Variants in PPP1R12C observed in about 807,000 individuals in gnomAD.
PPP1R12C encodes the protein leukocyte receptor cluster (LRC) encoded novel gene 3.
A neutral mutation model predicts 95.6 loss-of-function variants in PPP1R12C; 48 were observed. The observed-to-expected ratio is 0.50, with a 90% CI of 0.40 to 0.64. The LOEUF (loss-of-function observed/expected upper bound fraction) is 0.64. Among genes scored for constraint, PPP1R12C ranks in the 30% least tolerant of loss-of-function variants. PPP1R12C has a pLI of 0.00. For synonymous variants in PPP1R12C, 480 were observed against 460.8 expected, an observed-to-expected ratio of 1.04 and a Z score of -0.53; for missense variants, 1,057 against 1,083.3, an observed-to-expected ratio of 0.98 and a Z score of 0.34.
intron 11 of PPP1R12C, 77 bp from the exon 12 acceptor site, chr19:55,094,875 A>G: frequency 6.8e-7 from 1 of 1,479,104 alleles, no homozygotes; most frequent in Non-Finnish European, 9.2e-7. Context: ...CCGTGAGTGA[A>G]AGAAACAAAT....
intron 1 of PPP1R12C, 170 bp from the exon 2 acceptor site, chr19:55,112,965 C>T: frequency 1.1e-6 from 1 of 949,960 alleles, no homozygotes. Flanking sequence ...GCCTGGTTGC[C>T]CAGTGGTCAG....
chr19:55,105,106 C>A (rs2085023805), intron 3 of PPP1R12C, among the ~76,000 whole-genome samples: 1 of 151,424 alleles, frequency 6.6e-6, no homozygotes, highest in East Asian at 1.9e-4. Context: ...CACACTGTCA[C>A]CCAGGCTGGA....
At position 55,091,429 on chromosome 19, in the gene PPP1R12C, A is replaced by G. The variant is rs1307676344; in HGVS notation, c.*43T>C. The G allele has an allele frequency of 6.4e-7, 1 of 1,564,972 alleles. No homozygotes were observed. The highest frequency in any genetic ancestry group is 8.8e-7 in the Non-Finnish European group (1 of 1,138,894). On this transcript the variant is annotated 3_prime_UTR_variant, in exon 22 of 22. Coordinates refer to ENST00000263433, the MANE Select transcript of PPP1R12C (RefSeq NM_017607.4). Reference sequence around the variant, plus strand: ...ACACGGGGGAAGGGGTGCGTGTGGCAGAAGCAGCTGTATAAATACGGGTGC... The same window carrying G: ...ACACGGGGGAAGGGGTGCGTGTGGCGGAAGCAGCTGTATAAATACGGGTGC...
chr19:55,094,850 G>T, intron 11 of PPP1R12C, 52 bp from the exon 12 acceptor site: 1 of 1,541,214 alleles, frequency 6.5e-7, no homozygotes, highest in East Asian at 2.3e-5. Flanking sequence ...TTGTGTGCCG[G>T]CACTGGAGAT....
chr19:55,113,812 A>G, intron 1 of PPP1R12C: 1 of 227,806 alleles, frequency 4.4e-6, no homozygotes, highest in South Asian at 1.6e-4. Context: ...CCCAGTTGTC[A>G]TGGCGATAGG....
At chr19:55,098,717 C>T in intron 6 of PPP1R12C, 67 bp downstream of exon 6, 1 of 1,592,302 alleles carries the variant, frequency 6.3e-7, no homozygotes, top group Non-Finnish European at 8.6e-7. Flanking sequence ...TCCCCCTCTG[C>T]ACCCTCCTCT....
intron 6 of PPP1R12C, chr19:55,096,848 CCG>C (rs367764706): frequency 8.3e-5 from 18 of 216,450 alleles, no homozygotes; most frequent in South Asian, 1.8e-4. Flanking sequence ...CGCCCCTTCC[CCG>C]CGCAGTTCAC....
chr19:55,117,506 G>T lies in PPP1R12C; in HGVS notation c.38C>A (p.Ala13Glu). 9.8e-7 allele frequency: 1 copy of T among 1,023,336 alleles called. No individual in the cohort carries two copies. Among genetic ancestry groups the T allele is most frequent in the Non-Finnish European group, 1.2e-6 (1 of 855,606 alleles). The allele number at this position is 1,023,336 out of a possible 1,614,324, so 63.4% of individuals were successfully genotyped here. A position where few individuals can be genotyped will look rare whatever the true frequency, so the allele number is the denominator to read the frequency against. The change falls in exon 1 of 22, where the codon GCG becomes GAG. Residue 13 changes from alanine to glutamate, a missense_variant. Physicochemically the swap from Ala to Glu is moderately radical, Grantham distance 107. Coordinates refer to ENST00000263433, the MANE Select transcript of PPP1R12C (RefSeq NM_017607.4). Reference sequence around the variant, plus strand: ...CCGCTCCCGGGCAGCCGCCGCCGCCGCCCCCGGGCCAGCCGCCGGGCCATC... The same window carrying T: ...CCGCTCCCGGGCAGCCGCCGCCGCCTCCCCCGGGCCAGCCGCCGGGCCATC... ...GEDGPAAGPG[A>E]AAAAARERRR... is the part of the protein sequence containing the mutation.
chr19:55,113,746 T>C (rs1041067897), intron 1 of PPP1R12C: 4 of 462,786 alleles, frequency 8.6e-6, no homozygotes, highest in Non-Finnish European at 1.3e-5. Context: ...AAACTCGGGC[T>C]GTGAAGGGGC....
chr19:55,102,229 C>G (rs2084987130), intron 4 of PPP1R12C, among the ~76,000 whole-genome samples: 1 of 152,146 alleles, frequency 6.6e-6, no homozygotes, highest in South Asian at 2.1e-4. Flanking sequence ...ATATATGCAC[C>G]TTGGTTGGGT....
At chr19:55,117,135 G>C (rs2147219877) in intron 1 of PPP1R12C, 88 bp downstream of exon 1, 1 of 1,096,274 alleles carries the variant, frequency 9.1e-7, no homozygotes, top group East Asian at 4.0e-5. Flanking sequence ...GGGGCGGATC[G>C]AGACTGGCAA....
chr19:55,092,124 C>T, intron 19 of PPP1R12C, 98 bp downstream of exon 19: 1 of 1,218,324 alleles, frequency 8.2e-7, no homozygotes, highest in Non-Finnish European at 1.1e-6. Context: ...GAAGCCCAGC[C>T]CCGCCGGCAC....
chr19:55,110,955 G>C (rs555796762), intron 3 of PPP1R12C, among the ~76,000 whole-genome samples: 1 of 151,944 alleles, frequency 6.6e-6, no homozygotes, highest in Non-Finnish European at 1.5e-5. Context: ...AAAACAGGAG[G>C]AGAAAGGATA....
chr19:55,097,944 C>T (rs2084940498), intron 6 of PPP1R12C, among the ~76,000 whole-genome samples: 1 of 152,182 alleles, frequency 6.6e-6, no homozygotes, highest in Non-Finnish European at 1.5e-5. Context: ...CTGCCTTACG[C>T]TCCCCTCCCT....
chr19:55,092,992 G>A lies in PPP1R12C; in HGVS notation c.1825+24C>T, dbSNP rs372017217. The A allele has an allele frequency of 1.9e-6, 3 of 1,564,176 alleles. No homozygotes were observed. In the African/African-American group the frequency reaches 4.1e-5, roughly 21 times the overall value. On this transcript the variant is annotated intron_variant, in intron 15 of 21. Coordinates refer to ENST00000263433, the MANE Select transcript of PPP1R12C (RefSeq NM_017607.4). The stretch of plus-strand genomic sequence containing the variant: ...AGAAACTGGATGATTCCCTGGGAAT[G>A]ACCTCCCCGAGAGCAGACCTCACCT...
In PPP1R12C at chr19:55,091,257, C is replaced by T. The variant is rs2084835512; in HGVS notation, c.*215G>A. ...TGGCCCTGGTCCCCTCTGGCAACGTCCCCCTGCTTGGCTCGGCCTCCCACC... is the reference window on the plus strand; with the variant it reads ...TGGCCCTGGTCCCCTCTGGCAACGTTCCCCTGCTTGGCTCGGCCTCCCACC... On this transcript the variant is annotated 3_prime_UTR_variant, in exon 22 of 22. Coordinates refer to ENST00000263433, the MANE Select transcript of PPP1R12C (RefSeq NM_017607.4). 2 of 588,690 alleles carry T rather than the reference C, an allele frequency of 3.4e-6. No homozygotes were observed. Among genetic ancestry groups the T allele is most frequent in the South Asian group, 2.0e-5 (1 of 49,692 alleles). 36.5% of individuals were successfully genotyped at this position (588,690 alleles called of 1,614,324 possible).
chr19:55,116,387 T>C (rs1401053757), intron 1 of PPP1R12C, among the ~76,000 whole-genome samples: 1 of 151,604 alleles, frequency 6.6e-6, no homozygotes, highest in Non-Finnish European at 1.5e-5. Flanking sequence ...AAGGAAGTGC[T>C]CCGGAAAGAG....
Position 55,093,237 on chromosome 19 carries a change from G to A in PPP1R12C, c.1684-4C>T, listed in dbSNP as rs934087607. 9 of 1,611,946 alleles carry A rather than the reference G, an allele frequency of 5.6e-6. No homozygotes were observed. The African/African-American group carries it at 9.4e-5, about 17-fold the overall frequency. ...TCAGGTCTGTAAGAGTCACACCCTGGCAGGGAAAGGGGACAGTCAGGGGAC... is the reference window on the plus strand; with the variant it reads ...TCAGGTCTGTAAGAGTCACACCCTGACAGGGAAAGGGGACAGTCAGGGGAC... On this transcript the variant is annotated splice_polypyrimidine_tract_variant and splice_region_variant and intron_variant, in intron 13 of 21. Transcript: ENST00000263433.
In PPP1R12C at chr19:55,095,506, G is replaced by A. The variant is rs769323887; in HGVS notation, c.1325C>T (p.Ala442Val). 8.8e-5 allele frequency: 138 copies of A among 1,574,192 alleles called. 1 individual carries two copies. The East Asian group carries it at 2.9e-3, about 34-fold the overall frequency. ...CGAGCGCTGCAGCCCAGCCCCAGGG[G>A]CTCCCTCCGCTGTCCGCCTTTCAGG... Reference protein sequence around the residue: ...GPPERRTAEGAPGAGLQRSAS... With the variant: ...GPPERRTAEGVPGAGLQRSAS... Residue 442 changes from alanine to valine, a missense_variant, in exon 10 of 22, where the codon GCC becomes GTC. By Grantham distance (64) the Ala-to-Val change is moderately conservative. This residue lies in a region of PPP1R12C where 356 missense variants were observed against 330.5 expected (regional missense o/e 1.08). Coordinates refer to ENST00000263433, the MANE Select transcript of PPP1R12C (RefSeq NM_017607.4).
Sources: allele counts gnomAD v4.1 joint callset (sites outside exome capture counted in the v4.1 genomes callset), GRCh38; gene constraint gnomAD v4.1.1; regional missense constraint gnomAD v4.1.1; transcripts MANE v1.5; gene names NCBI Gene and HGNC (gene_info 2026-07-23, HGNC 2026-07-21).